The following LMAN2L variants were observed in gnomAD, a reference collection of about 807,000 sequenced individuals.
The protein encoded by LMAN2L is VIP36-like protein.
A neutral mutation model predicts 44.3 loss-of-function variants in LMAN2L; 30 were observed. The ratio of observed to expected loss-of-function variants is 0.68; its 90% CI spans 0.51 to 0.92. The LOEUF is 0.92. Ranked by LOEUF, LMAN2L falls within the 40% of genes least tolerant of loss-of-function variation. The pLI is 0.00. For missense variants in LMAN2L, 429 were observed against 446.1 expected, an observed-to-expected ratio of 0.96 and a Z score of 0.35; for synonymous variants, 183 against 171.1, an observed-to-expected ratio of 1.07 and a Z score of -0.54.
At chr2:96,711,189 G>C (rs1384209294) in intron 6 of LMAN2L, among the ~76,000 whole-genome samples, 2 of 152,196 alleles carry the variant, frequency 1.3e-5, no homozygotes, top group Non-Finnish European at 2.9e-5. Context: ...GTCTGAGTCA[G>C]CATGTTAAGG....
chr2:96,734,337 C>T, intron 3 of LMAN2L, 72 bp downstream of exon 3: 1 of 927,310 alleles, frequency 1.1e-6, no homozygotes, highest in South Asian at 1.3e-5. Flanking sequence ...GGGGAAGGAA[C>T]CTTTTCAAAA....
chr2:96,720,634 C>G (rs1231193400), intron 4 of LMAN2L, among the ~76,000 whole-genome samples: 1 of 151,902 alleles, frequency 6.6e-6, no homozygotes, highest in East Asian at 1.9e-4. Context: ...ATCTTTTAAT[C>G]AACATTAAAA....
At chr2:96,737,870 T>C in intron 2 of LMAN2L, 79 bp downstream of exon 2, 2 of 806,382 alleles carry the variant, frequency 2.5e-6, no homozygotes, top group Non-Finnish European at 4.3e-6. Flanking sequence ...GGATAGACAG[T>C]AAAATTAAAT....
At chr2:96,717,743 G>A (rs1313533421) in intron 4 of LMAN2L, among the ~76,000 whole-genome samples, 1 of 151,274 alleles carries the variant, frequency 6.6e-6, no homozygotes, top group Non-Finnish European at 1.5e-5. Context: ...GGAGGCTGAG[G>A]CAGGAGAATC....
In LMAN2L at chr2:96,739,883, C is replaced by G; in HGVS notation, c.158G>C (p.Arg53Pro). Residue 53 changes from arginine to proline, a missense_variant, in exon 1 of 8, where the codon CGG (arginine) becomes CCG (proline). By Grantham distance (103) the Arg-to-Pro change is moderately radical. Coordinates refer to ENST00000264963, the MANE Select transcript of LMAN2L (RefSeq NM_030805.4). ...GAGQTFEYLK[R>P]EHSLSKPYQG... ...GTAGGGCTTCGACAGCGAGTGCTCC[C>G]GTTTCAAGTACTCGAACGTTTGACC... 6.2e-7 allele frequency: 1 copy of G among 1,614,006 alleles called. No homozygotes were observed. Among genetic ancestry groups the G allele is most frequent in the Non-Finnish European group, 8.5e-7 (1 of 1,180,034 alleles).
chr2:96,710,440 C>T (rs545944944), intron 6 of LMAN2L, among the ~76,000 whole-genome samples: 62 of 152,222 alleles, frequency 4.1e-4, no homozygotes, highest in Non-Finnish European at 4.0e-4. Context: ...GAGGCCAAGG[C>T]GGGCGGATCA....
At chr2:96,727,728 C>A (rs1375556692) in intron 4 of LMAN2L, among the ~76,000 whole-genome samples, 1 of 152,216 alleles carries the variant, frequency 6.6e-6, no homozygotes, top group Non-Finnish European at 1.5e-5. Context: ...TGAGGAATTT[C>A]ATGAATTGTT....
Position 96,707,780 on chromosome 2 carries a change from G to C in LMAN2L, c.838C>G (p.Pro280Ala). 1 of 1,613,768 alleles carries C rather than the reference G, an allele frequency of 6.2e-7. No individual in the cohort carries two copies. Among genetic ancestry groups the C allele is most frequent in the Non-Finnish European group, 8.5e-7 (1 of 1,179,800 alleles). ...TCTCGATGGAGCTTTTCCTCTTCTG[G>C]GGTTCTCTCCACTGTCAGTTCAAAC... ...KLFELTVERT[P>A]EEEKLHRDVF... The change falls in exon 7 of 8, where the codon CCA becomes GCA. Residue 280 changes from proline to alanine, a missense_variant. Transcript: ENST00000264963.
At chr2:96,718,249 C>T (rs771452878) in intron 4 of LMAN2L, among the ~76,000 whole-genome samples, 2 of 152,182 alleles carry the variant, frequency 1.3e-5, no homozygotes, top group East Asian at 1.9e-4. Context: ...AGCCACTGTG[C>T]GTGGCCGGTT....
At chr2:96,726,220 G>A (rs1025022383) in intron 4 of LMAN2L, among the ~76,000 whole-genome samples, 5 of 150,200 alleles carry the variant, frequency 3.3e-5, no homozygotes, top group Non-Finnish European at 7.4e-5. Flanking sequence ...TACTGATCTC[G>A]TATCCTTCAA....
intron 4 of LMAN2L, among the ~76,000 whole-genome samples, chr2:96,724,410 G>GT (rs749102930): frequency 1.3e-5 from 2 of 152,222 alleles, no homozygotes; most frequent in Non-Finnish European, 2.9e-5. Context: ...AATGTGGGGA[G>GT]TACTGCTATC....
chr2:96,730,920 G>A (rs906156538), intron 4 of LMAN2L, among the ~76,000 whole-genome samples: 2 of 151,996 alleles, frequency 1.3e-5, no homozygotes, highest in Admixed American at 6.6e-5. Context: ...TGATCCACCC[G>A]CCTTGGCCTC....
intron 4 of LMAN2L, among the ~76,000 whole-genome samples, chr2:96,714,345 C>T (rs886125417): frequency 2.0e-5 from 3 of 152,238 alleles, no homozygotes; most frequent in African/African-American, 4.8e-5. Context: ...GCAGCACCCA[C>T]GGCACTGGGC....
intron 4 of LMAN2L, among the ~76,000 whole-genome samples, chr2:96,732,843 C>T (rs1219614269): frequency 6.8e-6 from 1 of 147,892 alleles, no homozygotes; most frequent in African/African-American, 2.5e-5. Context: ...GGGGGGAGTG[C>T]AATGGTGTGA....
intron 4 of LMAN2L, among the ~76,000 whole-genome samples, chr2:96,731,985 C>A (rs943722160): frequency 6.6e-6 from 1 of 151,844 alleles, no homozygotes; most frequent in African/African-American, 2.4e-5. Flanking sequence ...GTAGCTGGGA[C>A]TACAGGTTAA....
chr2:96,714,354 G>A (rs1029702260), intron 4 of LMAN2L, among the ~76,000 whole-genome samples: 2 of 152,196 alleles, frequency 1.3e-5, no homozygotes, highest in African/African-American at 4.8e-5. Flanking sequence ...ACGGCACTGG[G>A]CTCCATGGGC....
intron 4 of LMAN2L, among the ~76,000 whole-genome samples, chr2:96,722,868 A>C (rs1313215909): frequency 6.6e-6 from 1 of 152,148 alleles, no homozygotes. Context: ...AAAAATGTAA[A>C]AATTAGCCAG....
chr2:96,739,837 C>T lies in LMAN2L; in HGVS notation c.187+17G>A, dbSNP rs1316700178. 9 of 1,612,116 alleles carry T rather than the reference C, an allele frequency of 5.6e-6. No homozygotes were observed. The highest frequency in any genetic ancestry group is 7.6e-6 in the Non-Finnish European group (9 of 1,179,714). ...AGCCCGCCCCACTGCACGACCACCT[C>T]ACCCTGGGCGCCTCACCCTGGTAGG... On this transcript the variant is annotated intron_variant, in intron 1 of 7. Coordinates refer to ENST00000264963, the MANE Select transcript of LMAN2L (RefSeq NM_030805.4).
chr2:96,738,818 G>A (rs768007664), intron 1 of LMAN2L, among the ~76,000 whole-genome samples: 5 of 151,482 alleles, frequency 3.3e-5, no homozygotes, highest in African/African-American at 4.9e-5. Flanking sequence ...TCGGCTCACT[G>A]TAAGCTCTGC....
Sources: gnomAD v4.1 joint callset for allele counts (sites outside exome capture counted in the v4.1 genomes callset) on GRCh38, gnomAD v4.1.1 for gene constraint, MANE v1.5 for transcripts, NCBI Gene and HGNC (gene_info 2026-07-23, HGNC 2026-07-21) for gene names.